QTMAN: variants seen among roughly 807,000 people sequenced by gnomAD.
The protein encoded by QTMAN is tRNA-queuosine alpha-mannosyltransferase.
chr2:144,187,838 T>G, the QTMAN span, among the ~76,000 whole-genome samples: 1 of 152,148 alleles, frequency 6.6e-6, no homozygotes, highest in African/African-American at 2.4e-5. Flanking sequence ...CCATTCAAAA[T>G]GTCTGTGCTG....
the QTMAN span, among the ~76,000 whole-genome samples, chr2:144,207,803 C>T: frequency 6.6e-6 from 1 of 151,936 alleles, no homozygotes; most frequent in Non-Finnish European, 1.5e-5. Context: ...TATTTACCTC[C>T]ATCTTTTCAG....
chr2:143,970,737 AG>A, the QTMAN span: 2 of 1,590,690 alleles, frequency 1.3e-6, no homozygotes, highest in East Asian at 2.2e-5. Context: ...ACCTTAAAAA[AG>A]CTTTCTGGAT....
At chr2:144,183,491 T>A in the QTMAN span, among the ~76,000 whole-genome samples, 2 of 152,176 alleles carry the variant, frequency 1.3e-5, no homozygotes, top group African/African-American at 2.4e-5. Flanking sequence ...AAGCTTTCTT[T>A]TACAGGACAA....
At chr2:144,324,209 T>C in the QTMAN span, among the ~76,000 whole-genome samples, 1 of 152,166 alleles carries the variant, frequency 6.6e-6, no homozygotes, top group African/African-American at 2.4e-5. Flanking sequence ...CAGGAGTGTA[T>C]TATTTGTATA....
the QTMAN span, among the ~76,000 whole-genome samples, chr2:144,259,181 C>G: frequency 6.6e-6 from 1 of 152,284 alleles, no homozygotes; most frequent in Non-Finnish European, 1.5e-5. Context: ...TGTTTTGAGA[C>G]AGAGTCTCAC....
At chr2:144,286,818 T>C in the QTMAN span, among the ~76,000 whole-genome samples, 1 of 152,226 alleles carries the variant, frequency 6.6e-6, no homozygotes, top group Non-Finnish European at 1.5e-5. Context: ...TGCAGACATC[T>C]GTACTCTGCA....
At chr2:143,995,519 T>C in the QTMAN span, among the ~76,000 whole-genome samples, 1 of 152,136 alleles carries the variant, frequency 6.6e-6, no homozygotes, top group Non-Finnish European at 1.5e-5. Flanking sequence ...CTCAGAACAA[T>C]TCTGTAATGT....
At chr2:144,139,599 T>C in the QTMAN span, among the ~76,000 whole-genome samples, 2 of 152,014 alleles carry the variant, frequency 1.3e-5, no homozygotes, top group African/African-American at 4.8e-5. Flanking sequence ...AAATATTCAA[T>C]ACATATAATG....
At chr2:144,126,612 A>AT in the QTMAN span, among the ~76,000 whole-genome samples, 62 of 152,076 alleles carry the variant, frequency 4.1e-4, no homozygotes, top group African/African-American at 1.4e-3. Flanking sequence ...ACACAAAATC[A>AT]TTTTTTTCCC....
At chr2:144,145,705 C>A in the QTMAN span, 1 of 1,611,350 alleles carries the variant, frequency 6.2e-7, no homozygotes, top group South Asian at 1.1e-5. Context: ...GCAGCCAGTT[C>A]GGTCAGGTTA....
the QTMAN span, among the ~76,000 whole-genome samples, chr2:143,960,359 G>A: frequency 6.6e-6 from 1 of 152,062 alleles, no homozygotes; most frequent in East Asian, 1.9e-4. Context: ...AAAGGAGGAG[G>A]GAGGGGCACT....
At chr2:144,080,542 CATTGTT>C in the QTMAN span, among the ~76,000 whole-genome samples, 1 of 152,110 alleles carries the variant, frequency 6.6e-6, no homozygotes, top group Non-Finnish European at 1.5e-5. Context: ...ACTTTATCAG[CATTGTT>C]ATTATGTCTC....
At chr2:144,019,684 C>G in the QTMAN span, among the ~76,000 whole-genome samples, 33 of 152,080 alleles carry the variant, frequency 2.2e-4, no homozygotes, top group African/African-American at 8.0e-4. Context: ...ACTTCAACAC[C>G]AGAAAGGATG....
chr2:144,197,679 A>G, the QTMAN span, among the ~76,000 whole-genome samples: 2 of 152,180 alleles, frequency 1.3e-5, no homozygotes, highest in Admixed American at 6.5e-5. Context: ...TAAAAAGCAA[A>G]TAACACAACT....
the QTMAN span, among the ~76,000 whole-genome samples, chr2:144,160,629 G>A: frequency 6.6e-6 from 1 of 152,058 alleles, no homozygotes; most frequent in Non-Finnish European, 1.5e-5. Flanking sequence ...AGACTGTAAC[G>A]CAGTGATCAT....
chr2:144,032,165 T>C, the QTMAN span, among the ~76,000 whole-genome samples: 2 of 152,188 alleles, frequency 1.3e-5, no homozygotes, highest in Non-Finnish European at 2.9e-5. Flanking sequence ...AGCTTTGGAA[T>C]GTGACAGTTC....
chr2:144,062,014 C>T, the QTMAN span, among the ~76,000 whole-genome samples: 2 of 152,304 alleles, frequency 1.3e-5, no homozygotes, highest in African/African-American at 2.4e-5. Context: ...GTAAAATCCC[C>T]GCGTTCACCA....
chr2:144,111,697 C>T, the QTMAN span, among the ~76,000 whole-genome samples: 1 of 152,176 alleles, frequency 6.6e-6, no homozygotes, highest in Non-Finnish European at 1.5e-5. Flanking sequence ...ATCTTTAAAT[C>T]TCTTTCTTGC....
At chr2:144,248,950 T>C in the QTMAN span, among the ~76,000 whole-genome samples, 1 of 152,204 alleles carries the variant, frequency 6.6e-6, no homozygotes, top group Non-Finnish European at 1.5e-5. Flanking sequence ...TCAGGATTTC[T>C]TAACAGATCC....
Sources: gnomAD v4.1 joint callset for allele counts (sites outside exome capture counted in the v4.1 genomes callset) on GRCh38, gnomAD v4.1.1 for gene constraint, MANE v1.5 for transcripts, NCBI Gene and HGNC (gene_info 2026-07-23, HGNC 2026-07-21) for gene names.